INSYN2B: variants seen among roughly 807,000 people sequenced by gnomAD.
INSYN2B encodes protein INSYN2B.
A neutral mutation model predicts 41.2 loss-of-function variants in INSYN2B; 16 were observed. The observed-to-expected ratio is 0.39, with a 90% CI of 0.26 to 0.59. INSYN2B has a LOEUF of 0.59. INSYN2B is among the 20% of genes least tolerant of loss of function. The pLI is 0.57. For missense variants in INSYN2B, 608 were observed against 646.4 expected (o/e 0.94, Z 0.64); for synonymous variants, 245 against 244.4 (o/e 1.00, Z -0.02).
At chr5:169,867,825 T>C (rs1323546070) in intron 3 of INSYN2B, among the ~76,000 whole-genome samples, 2 of 152,150 alleles carry the variant, frequency 1.3e-5, no homozygotes, top group African/African-American at 2.4e-5. Context: ...CCACCTATAC[T>C]TCATTCTCCC....
In INSYN2B at chr5:169,877,786, G is replaced by C. The variant is rs780449124; in HGVS notation, c.1421+3582C>G. Among the ~76,000 whole-genome samples the C allele has an allele frequency of 7.9e-5, 12 of 152,262 alleles. No homozygotes were observed. The South Asian group carries it at 2.5e-3, about 32-fold the overall frequency. ...CTAAGGATAAGACGAGGAGCAGTCTGTCCAGGTGGACCCTGGACAAACAAA... is the reference window on the plus strand; with the variant it reads ...CTAAGGATAAGACGAGGAGCAGTCTCTCCAGGTGGACCCTGGACAAACAAA... On this transcript the variant is annotated intron_variant, in intron 3 of 3. Coordinates refer to ENST00000377365, the MANE Select transcript of INSYN2B (RefSeq NM_001129891.3).
intron 1 of INSYN2B, among the ~76,000 whole-genome samples, chr5:169,957,642 A>C (rs1178735005): frequency 1.3e-5 from 2 of 152,126 alleles, no homozygotes; most frequent in African/African-American, 4.8e-5. Context: ...GAGACACTAG[A>C]GGCAATGCGC....
At position 169,882,955 on chromosome 5, in the gene INSYN2B, C is replaced by A. The variant is rs1772748291; in HGVS notation, c.944G>T (p.Gly315Val). The A allele has an allele frequency of 6.4e-7, 1 of 1,551,380 alleles. No homozygotes were observed. The highest frequency in any genetic ancestry group is 8.7e-7 in the Non-Finnish European group (1 of 1,146,858). ...SPRTHSSPSQ[G>V]SHSQPAHPGR... ...TGGGTGGGCTGGCTGGCTGTGGGAG[C>A]CTTGTGAGGGGGAACTGTGAGTCCG... Residue 315 changes from glycine (G) to valine (V), a missense_variant, in exon 2 of 4, where the codon GGC becomes GTC. Coordinates refer to ENST00000377365, the MANE Select transcript of INSYN2B (RefSeq NM_001129891.3).
chr5:169,885,977 CT>C (rs994357357), intron 1 of INSYN2B, among the ~76,000 whole-genome samples: 5 of 152,162 alleles, frequency 3.3e-5, no homozygotes, highest in Non-Finnish European at 5.9e-5. Context: ...ACCCAGGTGT[CT>C]GTCATTCCAA....
chr5:169,897,510 A>G (rs577688644), intron 1 of INSYN2B, among the ~76,000 whole-genome samples: 8 of 152,278 alleles, frequency 5.3e-5, no homozygotes, highest in African/African-American at 1.9e-4. Context: ...CTCTTTAACC[A>G]AGAGAAGAGC....
intron 1 of INSYN2B, among the ~76,000 whole-genome samples, chr5:169,948,528 A>G (rs1042465389): frequency 6.6e-6 from 1 of 151,774 alleles, no homozygotes; most frequent in African/African-American, 2.4e-5. Context: ...ATAGAAACAC[A>G]TATACATTTA....
rs376168690 is a variant in INSYN2B at position 169,928,960 on chromosome 5, G to A, written c.-918-44144C>T. On this transcript the variant is annotated intron_variant, in intron 1 of 3. Transcript: ENST00000377365. ...TATTAATTATGCCAAAGCTTGCTTT[G>A]AGATAGACTAAAAGGCCAAACATGT... is the stretch of plus-strand genomic sequence containing the variant. 5.9e-5 allele frequency among the ~76,000 whole-genome samples: 9 copies of A among 152,310 alleles called. No homozygotes were observed. The East Asian group carries it at 1.5e-3, about 26-fold the overall frequency.
chr5:169,929,144 G>C lies in INSYN2B; in HGVS notation c.-918-44328C>G, dbSNP rs76621262. Among the ~76,000 whole-genome samples, 1,038 of 152,274 alleles carry C rather than the reference G, an allele frequency of 6.8e-3. 2 individuals carry two copies. Among genetic ancestry groups the C allele is most frequent in the East Asian group, 0.022 (112 of 5,156 alleles). On this transcript the variant is annotated intron_variant, in intron 1 of 3. Coordinates refer to ENST00000377365, the MANE Select transcript of INSYN2B (RefSeq NM_001129891.3). The stretch of plus-strand genomic sequence containing the variant: ...CAGAGTGCCTATGCAGGAAGCCCAC[G>C]CACATAGCACTTAGGCATAGCAGGG...
At chr5:169,966,635 G>A (rs1386374439) in intron 1 of INSYN2B, among the ~76,000 whole-genome samples, 1 of 152,130 alleles carries the variant, frequency 6.6e-6, no homozygotes, top group African/African-American at 2.4e-5. Context: ...TATTTTACAG[G>A]TGAGGAAGAG....
At chr5:169,917,961 G>A (rs1187093867) in intron 1 of INSYN2B, among the ~76,000 whole-genome samples, 2 of 152,222 alleles carry the variant, frequency 1.3e-5, no homozygotes, top group South Asian at 2.1e-4. Context: ...AACCAGGACT[G>A]AAAGGAGCCC....
At position 169,975,972 on chromosome 5, in the gene INSYN2B, A is replaced by T. The variant is rs1403961934; in HGVS notation, c.-919+4305T>A. Among the ~76,000 whole-genome samples the T allele has an allele frequency of 1.3e-5, 2 of 152,222 alleles. 1 individual carries two copies. The highest frequency in any genetic ancestry group is 4.1e-4 in the South Asian group (2 of 4,830). The stretch of plus-strand genomic sequence containing the variant: ...TTGCTAGAATATAATTTAAGATGGG[A>T]TGTGTTCAGAGGTAGAACAAAACTT... On this transcript the variant is annotated intron_variant, in intron 1 of 3. Coordinates refer to ENST00000377365, the MANE Select transcript of INSYN2B (RefSeq NM_001129891.3).
intron 3 of INSYN2B, among the ~76,000 whole-genome samples, chr5:169,870,245 G>A (rs1027122500): frequency 6.6e-6 from 1 of 152,166 alleles, no homozygotes; most frequent in African/African-American, 2.4e-5. Flanking sequence ...CCCTCTTGGG[G>A]GTACCTCACT....
chr5:169,924,487 T>G (rs906200784), intron 1 of INSYN2B, among the ~76,000 whole-genome samples: 1 of 152,228 alleles, frequency 6.6e-6, no homozygotes, highest in Admixed American at 6.5e-5. Context: ...CTCATTTATT[T>G]GTTCCTGAGA....
intron 1 of INSYN2B, among the ~76,000 whole-genome samples, chr5:169,976,121 A>G (rs975001387): frequency 1.3e-5 from 2 of 152,210 alleles, no homozygotes; most frequent in Non-Finnish European, 2.9e-5. Context: ...AATAAATTCA[A>G]TCTCCCATCT....
At chr5:169,864,497 G>A (rs943684938) in intron 3 of INSYN2B, 38 bp from the exon 4 acceptor site, 27 of 1,439,038 alleles carry the variant, frequency 1.9e-5, no homozygotes, top group Admixed American at 4.6e-5. Flanking sequence ...AAGTGAATTC[G>A]AATCAGCACA....
At chr5:169,945,828 C>T (rs1307959991) in intron 1 of INSYN2B, among the ~76,000 whole-genome samples, 1 of 152,230 alleles carries the variant, frequency 6.6e-6, no homozygotes, top group Non-Finnish European at 1.5e-5. Context: ...CCACGGCCTC[C>T]GTCCTTTGTG....
rs551338153 is a variant in INSYN2B at position 169,862,318 on chromosome 5, A to C, written c.*1955T>G. Among the ~76,000 whole-genome samples, 1 of 152,376 alleles carries C rather than the reference A, an allele frequency of 6.6e-6. No homozygotes were observed. The highest frequency in any genetic ancestry group is 2.4e-5 in the African/African-American group (1 of 41,594). ...TAATTCTGGGAACAGGGTTATTTAC[A>C]TTCTAGCATGATGCCCGAGAATATA... On this transcript the variant is annotated 3_prime_UTR_variant, in exon 4 of 4. Transcript: ENST00000377365.
chr5:169,902,970 T>C lies in INSYN2B; in HGVS notation c.-918-18154A>G, dbSNP rs562731692. Among the ~76,000 whole-genome samples, 80 of 152,096 alleles carry C rather than the reference T, an allele frequency of 5.3e-4. No individual in the cohort carries two copies. The East Asian group carries it at 5.6e-3, about 11-fold the overall frequency. ...AAAATTAGCTGGGTGTGGTGGCACA[T>C]GCCTGTAGTCCCAGCTACTCGGGAG... On this transcript the variant is annotated intron_variant, in intron 1 of 3. Coordinates refer to ENST00000377365, the MANE Select transcript of INSYN2B (RefSeq NM_001129891.3).
In INSYN2B at chr5:169,863,119, A is replaced by G. The variant is rs1029850134; in HGVS notation, c.*1154T>C. Among the ~76,000 whole-genome samples the G allele has an allele frequency of 5.9e-5, 9 of 152,222 alleles. No homozygotes were observed. The highest frequency in any genetic ancestry group is 7.3e-5 in the Non-Finnish European group (5 of 68,028). ...TGCAAGTTTGACTGGATCCACATGT[A>G]TGTAGGTCTTGTCAACAGAATGAGC... On this transcript the variant is annotated 3_prime_UTR_variant, in exon 4 of 4. Coordinates refer to ENST00000377365, the MANE Select transcript of INSYN2B (RefSeq NM_001129891.3).
Sources: allele counts gnomAD v4.1 joint callset (sites outside exome capture counted in the v4.1 genomes callset), GRCh38; gene constraint gnomAD v4.1.1; transcripts MANE v1.5; gene names NCBI Gene and HGNC (gene_info 2026-07-23, HGNC 2026-07-21).